COL9A1: variants seen among roughly 807,000 people sequenced by gnomAD.
COL9A1 encodes collagen type IX alpha 1 chain, also known as collagen alpha-1(IX) chain.
In COL9A1, 104 loss-of-function variants were observed where a neutral mutation model predicts 142.6. That is an observed-to-expected ratio of 0.73 (90% CI 0.62 to 0.86). The LOEUF is 0.86. COL9A1 is among the 40% of genes least tolerant of loss of function. The pLI, the probability that COL9A1 is intolerant of heterozygous loss-of-function variation, is 0.00. For missense variants in COL9A1, 1,210 were observed against 1,176.6 expected, an observed-to-expected ratio of 1.03 and a Z score of -0.42; for synonymous variants, 466 against 396.0, an observed-to-expected ratio of 1.18 and a Z score of -2.10.
chr6:70,274,888 GC>G lies in COL9A1; in HGVS notation c.976-117del, dbSNP rs1338282633. ...TACAGGATGGTTACATAAGTATGAT[GC>G]AAATATTTATAAAGAAATACCTTAC... On this transcript the variant is annotated intron_variant, in intron 10 of 37. Coordinates refer to ENST00000357250, the MANE Select transcript of COL9A1 (RefSeq NM_001851.6). 6.4e-6 allele frequency: 5 copies of G among 783,958 alleles called. No individual in the cohort carries two copies. The Admixed American group carries it at 1.1e-4, about 16-fold the overall frequency. 48.6% of individuals were successfully genotyped at this position (783,958 alleles called of 1,614,324 possible). A position where few individuals can be genotyped will look rare whatever the true frequency, so the allele number is the denominator to read the frequency against.
rs200999864 is a variant in COL9A1 at position 70,301,966 on chromosome 6, G to A, written c.88+35C>T. 164 of 1,535,634 alleles carry A rather than the reference G, an allele frequency of 1.1e-4. 2 individuals are homozygous for A. The East Asian group carries it at 3.1e-3, about 29-fold the overall frequency. Reference sequence around the variant, plus strand: ...CCTGCCTGATCATTTCTGGGAATAAGTGATCTTTGAAAGTCTAGAAACTAT... The same window carrying A: ...CCTGCCTGATCATTTCTGGGAATAAATGATCTTTGAAAGTCTAGAAACTAT... On this transcript the variant is annotated intron_variant, in intron 2 of 37. Coordinates refer to ENST00000357250, the MANE Select transcript of COL9A1 (RefSeq NM_001851.6).
At chr6:70,241,600 C>CAGGA in intron 30 of COL9A1, 146 bp from the exon 31 acceptor site, 3 of 734,170 alleles carry the variant, frequency 4.1e-6, no homozygotes, top group Non-Finnish European at 7.1e-6. Context: ...CAACAAGAAT[C>CAGGA]AGGACCAAAA....
chr6:70,228,681 A>AT (rs1029902643), intron 36 of COL9A1, among the ~76,000 whole-genome samples: 3 of 152,152 alleles, frequency 2.0e-5, no homozygotes, highest in Admixed American at 2.0e-4. Flanking sequence ...CCATACTTTG[A>AT]TTTTAGTTGT....
intron 35 of COL9A1, among the ~76,000 whole-genome samples, chr6:70,234,097 T>A (rs1384273447): frequency 6.6e-6 from 1 of 152,232 alleles, no homozygotes; most frequent in Non-Finnish European, 1.5e-5. Context: ...AATGTCCTTA[T>A]GCTTCCTATG....
intron 4 of COL9A1, among the ~76,000 whole-genome samples, chr6:70,298,567 T>C (rs750345919): frequency 8.5e-5 from 13 of 152,180 alleles, no homozygotes; most frequent in Non-Finnish European, 1.5e-4. Flanking sequence ...ACATTAAATA[T>C]AGCCTGGGTA....
intron 33 of COL9A1, among the ~76,000 whole-genome samples, chr6:70,235,383 GTGGAGGT>G (rs1769840855): frequency 6.6e-6 from 1 of 152,134 alleles, no homozygotes; most frequent in Non-Finnish European, 1.5e-5. Flanking sequence ...AACCCAGGAG[GTGGAGGT>G]TGCAGTAAGC....
intron 4 of COL9A1, among the ~76,000 whole-genome samples, chr6:70,297,792 A>G (rs1355542388): frequency 1.3e-5 from 2 of 152,186 alleles, no homozygotes; most frequent in Non-Finnish European, 2.9e-5. Context: ...AATAAACATA[A>G]CACGTTTGTT....
In COL9A1 at chr6:70,217,020, C is replaced by G; in HGVS notation, c.2643G>C (p.Gly881=). The G allele has an allele frequency of 6.2e-7, 1 of 1,614,158 alleles. No homozygotes were observed. The highest frequency in any genetic ancestry group is 1.1e-5 in the South Asian group (1 of 91,080). The change falls in exon 38 of 38, where the codon GGG becomes GGC. Residue 881 remains glycine, a synonymous_variant. Transcript: ENST00000357250. ...NGRDGERGPP[G]VAGIPGVPGP... is the part of the protein sequence containing the mutation. ...CAGGCACTCCAGGAATTCCTGCCACCCCTGGGGGGCCTCGCTCACCGTCTC... is the reference window on the plus strand; with the variant it reads ...CAGGCACTCCAGGAATTCCTGCCACGCCTGGGGGGCCTCGCTCACCGTCTC...
At chr6:70,273,614 G>C (rs1001050315) in intron 12 of COL9A1, among the ~76,000 whole-genome samples, 1 of 152,106 alleles carries the variant, frequency 6.6e-6, no homozygotes, top group South Asian at 2.1e-4. Context: ...CAAGGAATCA[G>C]GCAAGTGATA....
At chr6:70,254,019 C>A (rs1232219697) in intron 25 of COL9A1, among the ~76,000 whole-genome samples, 2 of 152,188 alleles carry the variant, frequency 1.3e-5, no homozygotes, top group Admixed American at 1.3e-4. Flanking sequence ...GTACAATCCA[C>A]ACGAACTTCC....
intron 37 of COL9A1, among the ~76,000 whole-genome samples, chr6:70,217,355 A>C (rs972580053): frequency 1.3e-5 from 2 of 152,300 alleles, no homozygotes; most frequent in Middle Eastern, 3.4e-3. Context: ...GCACCATGGT[A>C]GCCTCCAGCC....
Position 70,271,672 on chromosome 6 carries a change from C to A in COL9A1, c.1126G>T (p.Gly376Cys). ...GTACTCACAACAGGTCCTACACGGC[C>A]AAGCTCTCCAGGGAGTCCTGCTGTC... ...PGTAGLPGEL[G>C]RVGPVGDPGR... Residue 376 changes from glycine to cysteine, a missense_variant, in exon 14 of 38, where the codon GGC (glycine) becomes TGC (cysteine). Transcript: ENST00000357250. 6.2e-7 allele frequency: 1 copy of A among 1,613,946 alleles called. No homozygotes were observed.
At chr6:70,235,723 CT>C (rs11299171) in intron 33 of COL9A1, among the ~76,000 whole-genome samples, 55,213 of 150,272 alleles carry the variant, frequency 0.37, 12,158 homozygotes, top group Non-Finnish European at 0.51. Context: ...GCCCTTACAA[CT>C]TTTTTTTTTA....
At chr6:70,251,174 G>A (rs1257558007) in intron 28 of COL9A1, among the ~76,000 whole-genome samples, 1 of 152,178 alleles carries the variant, frequency 6.6e-6, no homozygotes, top group African/African-American at 2.4e-5. Flanking sequence ...AAAAAGAAAT[G>A]AAGTACTGAT....
In COL9A1 at chr6:70,240,749, A is replaced by G. The variant is rs1418160111; in HGVS notation, c.2035-16T>C. The G allele has an allele frequency of 6.2e-7, 1 of 1,608,976 alleles. No homozygotes were observed. Among genetic ancestry groups the G allele is most frequent in the African/African-American group, 1.3e-5 (1 of 74,774 alleles). ...CAGAGGCACCCTAAAAATTAAGATA[A>G]AAGGTTACATTTTAAAATTCTTAGT... is the stretch of plus-strand genomic sequence containing the variant. On this transcript the variant is annotated splice_polypyrimidine_tract_variant and intron_variant, in intron 31 of 37. Coordinates refer to ENST00000357250, the MANE Select transcript of COL9A1 (RefSeq NM_001851.6).
chr6:70,256,638 A>T, intron 21 of COL9A1, 130 bp downstream of exon 21: 1 of 628,016 alleles, frequency 1.6e-6, no homozygotes, highest in Non-Finnish European at 2.7e-6. Context: ...ATTTAAATTT[A>T]AACATATATA....
chr6:70,240,606 ACT>A (rs1404809532), intron 32 of COL9A1, 81 bp downstream of exon 32: 4 of 808,314 alleles, frequency 4.9e-6, no homozygotes, highest in Non-Finnish European at 8.0e-6. Context: ...CCAATTTTGA[ACT>A]GTGTTAGAAG....
rs1282526237 is a variant in COL9A1 at position 70,266,718 on chromosome 6, T to G, written c.1340A>C (p.Lys447Thr). 6.2e-7 allele frequency: 1 copy of G among 1,612,442 alleles called. No individual in the cohort carries two copies. Among genetic ancestry groups the G allele is most frequent in the Non-Finnish European group, 8.5e-7 (1 of 1,178,588 alleles). Residue 447 changes from lysine (K) to threonine (T), a missense_variant and splice_region_variant, in exon 18 of 38, where the codon AAG becomes ACG. Coordinates refer to ENST00000357250, the MANE Select transcript of COL9A1 (RefSeq NM_001851.6). ...CCACTAAATACCCATTTTCCTTACC[T>G]TGTGTCCTTGTCTTCCTGGTTCACC... ...EIGEPGRQGHKGEEGDQGELG... is the reference protein window; with the variant it reads ...EIGEPGRQGHTGEEGDQGELG...
At position 70,282,904 on chromosome 6, in the gene COL9A1, G is replaced by C. The variant is rs149067801; in HGVS notation, c.795C>G (p.Thr265=). The change falls in exon 7 of 38, where the codon ACC becomes ACG. Residue 265 remains threonine (T), a synonymous_variant. Transcript: ENST00000357250. ...CTCCCTGCCCCCAACTTACCTCGTCGGTGGTCTGGCTGGGCTGGAGAAGAA... is the reference window on the plus strand; with the variant it reads ...CTCCCTGCCCCCAACTTACCTCGTCCGTGGTCTGGCTGGGCTGGAGAAGAA... ...LPARITPSQT[T]DERGPPGEQG... The C allele has an allele frequency of 2.6e-4, 418 of 1,614,072 alleles. No homozygotes were observed. The highest frequency in any genetic ancestry group is 3.4e-4 in the Non-Finnish European group (400 of 1,180,046).
Sources: allele counts gnomAD v4.1 joint callset (sites outside exome capture counted in the v4.1 genomes callset), GRCh38; gene constraint gnomAD v4.1.1; transcripts MANE v1.5; gene names NCBI Gene and HGNC (gene_info 2026-07-23, HGNC 2026-07-21).